LIMA1: variants seen among roughly 807,000 people sequenced by gnomAD.
LIMA1 encodes the protein LIM domain and actin binding 1, also known as LIM domain and actin-binding protein 1.
Under a neutral mutation model 62.6 loss-of-function variants are expected in LIMA1, and 52 were observed. The observed-to-expected ratio is 0.83, with a 90% CI of 0.67 to 1.05. The LOEUF is 1.05. Among genes scored for constraint, LIMA1 ranks in the 50% least tolerant of loss-of-function variants. The pLI is 0.00. For missense variants in LIMA1, 780 were observed against 902.2 expected, an observed-to-expected ratio of 0.86 and a Z score of 1.74; for synonymous variants, 302 against 317.8, an observed-to-expected ratio of 0.95 and a Z score of 0.53.
intron 7 of LIMA1, among the ~76,000 whole-genome samples, chr12:50,198,886 A>G (rs1361153472): frequency 6.6e-6 from 1 of 152,200 alleles, no homozygotes; most frequent in East Asian, 1.9e-4. Context: ...ACACACAAAT[A>G]TGATTTGCTT....
chr12:50,267,590 G>A (rs1040693323), intron 1 of LIMA1, among the ~76,000 whole-genome samples: 3 of 151,576 alleles, frequency 2.0e-5, no homozygotes, highest in African/African-American at 7.3e-5. Flanking sequence ...TGCAATTTTG[G>A]CTCACTACAA....
chr12:50,236,300 CTTT>C (rs112036543), intron 2 of LIMA1, among the ~76,000 whole-genome samples: 20 of 120,950 alleles, frequency 1.7e-4, no homozygotes, highest in East Asian at 2.6e-4. Flanking sequence ...ATTTTTTTTT[CTTT>C]TTTTTTTTTT....
At chr12:50,243,387 G>T (rs1310231648) in intron 2 of LIMA1, among the ~76,000 whole-genome samples, 1 of 152,118 alleles carries the variant, frequency 6.6e-6, no homozygotes, top group Non-Finnish European at 1.5e-5. Flanking sequence ...TAAATATAAA[G>T]CCACTAGGTG....
At chr12:50,268,179 C>T (rs1942162506) in intron 1 of LIMA1, among the ~76,000 whole-genome samples, 1 of 152,090 alleles carries the variant, frequency 6.6e-6, no homozygotes, top group Admixed American at 6.6e-5. Flanking sequence ...TGCCTCGTTT[C>T]TGCGGGGTTC....
intron 9 of LIMA1, among the ~76,000 whole-genome samples, chr12:50,183,809 T>TAAA (rs1565827717): frequency 6.8e-3 from 88 of 12,902 alleles, no homozygotes; most frequent in African/African-American, 0.038. Context: ...AGACTTGGTC[T>TAAA]CAAAAAAAAA....
intron 2 of LIMA1, among the ~76,000 whole-genome samples, chr12:50,239,579 G>A (rs1379091541): frequency 6.6e-6 from 1 of 152,190 alleles, no homozygotes; most frequent in Admixed American, 6.5e-5. Flanking sequence ...AGAGGAAGTT[G>A]CAGTGAGCCA....
At chr12:50,233,524 C>T (rs1941643238) in intron 2 of LIMA1, among the ~76,000 whole-genome samples, 2 of 152,092 alleles carry the variant, frequency 1.3e-5, no homozygotes, top group Non-Finnish European at 2.9e-5. Context: ...GATGGTACTA[C>T]ATGGTTTTGT....
chr12:50,239,617 G>A (rs991415469), intron 2 of LIMA1, among the ~76,000 whole-genome samples: 1 of 143,514 alleles, frequency 7.0e-6, no homozygotes, highest in African/African-American at 2.6e-5. Context: ...TCCAGCCTGG[G>A]TGATAAAGCG....
intron 4 of LIMA1, among the ~76,000 whole-genome samples, chr12:50,220,208 C>T (rs1941417433): frequency 6.6e-6 from 1 of 151,908 alleles, no homozygotes; most frequent in Non-Finnish European, 1.5e-5. Context: ...CTACCAGCAA[C>T]GCCACCATGC....
intron 1 of LIMA1, among the ~76,000 whole-genome samples, chr12:50,267,607 C>A (rs1942155504): frequency 6.6e-6 from 1 of 151,924 alleles, no homozygotes; most frequent in South Asian, 2.1e-4. Flanking sequence ...ACAACCTCCA[C>A]TTCCTGGGTT....
chr12:50,176,260 G>A lies in LIMA1; in HGVS notation c.*804C>T, dbSNP rs535967653. The A allele has an allele frequency of 9.2e-5, 14 of 152,246 alleles. No homozygotes were observed. The highest frequency in any genetic ancestry group is 7.2e-4 in the Admixed American group (11 of 15,284). The allele number at this position is 152,246 out of a possible 1,614,324, so 9.4% of individuals were successfully genotyped here. ...ACGGAAGATGGGGGACAGTGATCCC[G>A]AAGGTATTACTAAAATATTGCAGCT... On this transcript the variant is annotated 3_prime_UTR_variant, in exon 11 of 11. Transcript: ENST00000341247.
At chr12:50,240,800 G>A (rs1185856664) in intron 2 of LIMA1, among the ~76,000 whole-genome samples, 6 of 152,148 alleles carry the variant, frequency 3.9e-5, no homozygotes, top group Admixed American at 3.3e-4. Flanking sequence ...AAAGCCACAG[G>A]AGTAGATGAC....
intron 4 of LIMA1, among the ~76,000 whole-genome samples, chr12:50,211,530 T>G (rs939106057): frequency 6.7e-5 from 10 of 149,560 alleles, no homozygotes; most frequent in Non-Finnish European, 1.3e-4. Flanking sequence ...ATGCCTGCAG[T>G]CCCAGCTACT....
At chr12:50,193,544 T>TATAC (rs200202553) in intron 8 of LIMA1, among the ~76,000 whole-genome samples, 3 of 136,584 alleles carry the variant, frequency 2.2e-5, no homozygotes, top group East Asian at 2.0e-4. Flanking sequence ...GATATATATA[T>TATAC]ACATATATAT....
intron 4 of LIMA1, among the ~76,000 whole-genome samples, chr12:50,209,457 T>A (rs1592521743): frequency 6.6e-6 from 1 of 150,382 alleles, no homozygotes; most frequent in Non-Finnish European, 1.5e-5. Context: ...TAATCTCAGC[T>A]ACTCAGGAGG....
In LIMA1 at chr12:50,213,878, ATAGT is replaced by A. The variant is rs559315603; in HGVS notation, c.631-7814_631-7811del. Among the ~76,000 whole-genome samples the A allele has an allele frequency of 1.8e-4, 28 of 152,346 alleles. 1 individual carries two copies. In the South Asian group the frequency reaches 5.6e-3, roughly 30 times the overall value. ...AATGAAACTGGTTAAAAACCAGTACATAGTTAGTGGACATGAAAGTAAGCAGAGA... is the reference window on the plus strand; with the variant it reads ...AATGAAACTGGTTAAAAACCAGTACATAGTGGACATGAAAGTAAGCAGAGA... On this transcript the variant is annotated intron_variant, in intron 4 of 10. Coordinates refer to ENST00000341247, the MANE Select transcript of LIMA1 (RefSeq NM_016357.5).
chr12:50,263,711 C>A (rs1253575553), intron 1 of LIMA1, among the ~76,000 whole-genome samples: 1 of 151,044 alleles, frequency 6.6e-6, no homozygotes, highest in Non-Finnish European at 1.5e-5. Context: ...GGTGCAGCCA[C>A]TTTGGAAAAC....
intron 3 of LIMA1, among the ~76,000 whole-genome samples, chr12:50,223,847 G>A (rs1241392609): frequency 6.6e-6 from 1 of 152,110 alleles, no homozygotes; most frequent in Admixed American, 6.6e-5. Context: ...TGGCCAGCCC[G>A]GCCAACACCG....
rs368985470 is a variant in LIMA1, at chr12:50,245,765, G to A, written c.119+2868C>T. ...GCCAGCGTCCCCTGGAGGCTGGCACGCCACTGCAATGAAGGGGAGGATAAC... is the reference window on the plus strand; with the variant it reads ...GCCAGCGTCCCCTGGAGGCTGGCACACCACTGCAATGAAGGGGAGGATAAC... On this transcript the variant is annotated intron_variant, in intron 2 of 10. Coordinates refer to ENST00000341247, the MANE Select transcript of LIMA1 (RefSeq NM_016357.5). 4.1e-4 allele frequency among the ~76,000 whole-genome samples: 62 copies of A among 151,868 alleles called. 1 individual carries two copies. Among genetic ancestry groups the A allele is most frequent in the Non-Finnish European group, 7.8e-4 (53 of 67,942 alleles).
Sources: allele counts gnomAD v4.1 joint callset (sites outside exome capture counted in the v4.1 genomes callset), GRCh38; gene constraint gnomAD v4.1.1; transcripts MANE v1.5; gene names NCBI Gene and HGNC (gene_info 2026-07-23, HGNC 2026-07-21).